Variants in PAAF1 observed in about 807,000 individuals in gnomAD.
PAAF1 encodes proteasomal ATPase-associated factor 1.
In PAAF1, 46 loss-of-function variants were observed where a neutral mutation model predicts 52.8. That is an observed-to-expected ratio of 0.87 (90% CI 0.69 to 1.11). The LOEUF is 1.11. Ranked by LOEUF, PAAF1 falls within the 50% of genes most tolerant of loss-of-function variation. PAAF1 has a pLI of 0.00. For synonymous variants in PAAF1, 178 were observed against 172.8 expected (o/e 1.03, Z -0.24); for missense variants, 424 against 477.4 (o/e 0.89, Z 1.04).
At chr11:73,907,561 G>A (rs1383246517) in intron 6 of PAAF1, among the ~76,000 whole-genome samples, 1 of 152,110 alleles carries the variant, frequency 6.6e-6, no homozygotes, top group African/African-American at 2.4e-5. Flanking sequence ...GGCACCTCAG[G>A]GCACCTCTTT....
intron 11 of PAAF1, among the ~76,000 whole-genome samples, chr11:73,925,377 G>C (rs1205085748): frequency 6.7e-6 from 1 of 150,346 alleles, no homozygotes; most frequent in Non-Finnish European, 1.5e-5. Flanking sequence ...AAGATGGGAC[G>C]ATTGCTTGGG....
chr11:73,881,489 TGTTG>T (rs1948905502), intron 2 of PAAF1, among the ~76,000 whole-genome samples: 1 of 152,164 alleles, frequency 6.6e-6, no homozygotes, highest in Non-Finnish European at 1.5e-5. Flanking sequence ...GGTTTCACCA[TGTTG>T]GCCAGGCTGG....
chr11:73,916,667 C>T lies in PAAF1; in HGVS notation c.935+7C>T, dbSNP rs1244104175. On this transcript the variant is annotated splice_region_variant and intron_variant, in intron 9 of 11. Transcript: ENST00000310571. Reference sequence around the variant, plus strand: ...TGGATGTGAGGAGTCCAAGGTGAGTCACCATTCATTTACATGATGCAGGTC... The same window carrying T: ...TGGATGTGAGGAGTCCAAGGTGAGTTACCATTCATTTACATGATGCAGGTC... 1.2e-6 allele frequency: 2 copies of T among 1,600,830 alleles called. No homozygotes were observed. Among genetic ancestry groups the T allele is most frequent in the East Asian group, 2.2e-5 (1 of 44,788 alleles).
intron 10 of PAAF1, among the ~76,000 whole-genome samples, chr11:73,923,370 C>T (rs574794467): frequency 1.3e-5 from 2 of 151,892 alleles, no homozygotes; most frequent in Admixed American, 6.6e-5. Flanking sequence ...TAAAGACATT[C>T]GTTTATGCAC....
intron 3 of PAAF1, among the ~76,000 whole-genome samples, chr11:73,888,341 T>C (rs1193315686): frequency 6.6e-6 from 1 of 152,220 alleles, no homozygotes; most frequent in East Asian, 1.9e-4. Context: ...CACTGAACAA[T>C]GTAGCCTTAT....
At chr11:73,895,348 G>A (rs1446108264) in intron 4 of PAAF1, among the ~76,000 whole-genome samples, 1 of 152,206 alleles carries the variant, frequency 6.6e-6, no homozygotes, top group African/African-American at 2.4e-5. Context: ...GAGGTTTCCA[G>A]TCTAGCCTAG....
chr11:73,909,569 C>T lies in PAAF1; in HGVS notation c.703C>T (p.Leu235Phe), dbSNP rs759348601. Residue 235 changes from leucine to phenylalanine, a missense_variant, in exon 7 of 12, where the codon CTT (leucine) becomes TTT (phenylalanine). Leu to Phe is a conservative substitution (Grantham distance 22). Coordinates refer to ENST00000310571, the MANE Select transcript of PAAF1 (RefSeq NM_025155.3). ...GGGTGCTGCTGACAACTCCATAAAC[C>T]TTGGCTCCCCTGAGCAGATGCCCAG... ...AVGAADNSIN[L>F]GSPEQMPSER... 6.2e-7 allele frequency: 1 copy of T among 1,614,122 alleles called. No individual in the cohort carries two copies. The highest frequency in any genetic ancestry group is 8.5e-7 in the Non-Finnish European group (1 of 1,180,004).
intron 3 of PAAF1, among the ~76,000 whole-genome samples, chr11:73,887,833 T>C (rs1018222526): frequency 6.6e-6 from 1 of 152,198 alleles, no homozygotes; most frequent in African/African-American, 2.4e-5. Context: ...CACTGCAACT[T>C]CTGTCTCCTG....
rs1385261422 is a variant in PAAF1 at position 73,909,384 on chromosome 11, T to C, written c.533-15T>C. ...ACTCCATCCTCCATCTTAGGGAGTT[T>C]TTTTCTCTTGCTAGGTATCCTGGAT... On this transcript the variant is annotated splice_polypyrimidine_tract_variant and intron_variant, in intron 6 of 11. Coordinates refer to ENST00000310571, the MANE Select transcript of PAAF1 (RefSeq NM_025155.3). The C allele has an allele frequency of 2.5e-6, 4 of 1,612,904 alleles. No individual in the cohort carries two copies. In the African/African-American group the frequency reaches 5.3e-5, roughly 22 times the overall value.
chr11:73,923,918 A>T (rs1265818347), intron 10 of PAAF1, among the ~76,000 whole-genome samples: 2 of 152,064 alleles, frequency 1.3e-5, no homozygotes, highest in African/African-American at 4.8e-5. Context: ...TTAATAGGGA[A>T]TATCTACACA....
intron 9 of PAAF1, among the ~76,000 whole-genome samples, chr11:73,918,142 T>C (rs1950115618): frequency 6.6e-6 from 1 of 152,084 alleles, no homozygotes; most frequent in African/African-American, 2.4e-5. Context: ...TAGAATCCCA[T>C]ATATGAAGGC....
At chr11:73,888,300 C>G (rs1949114668) in intron 3 of PAAF1, among the ~76,000 whole-genome samples, 1 of 152,130 alleles carries the variant, frequency 6.6e-6, no homozygotes, top group Admixed American at 6.5e-5. Context: ...CCAAGTAGTT[C>G]TCAGTTGCCT....
rs534712680 is a variant in PAAF1 at position 73,929,394 on chromosome 11, T to C, written c.*2032T>C. 5.9e-5 allele frequency: 9 copies of C among 152,312 alleles called. No individual in the cohort carries two copies. Among genetic ancestry groups the C allele is most frequent in the African/African-American group, 1.9e-4 (8 of 41,564 alleles). 9.4% of individuals were successfully genotyped at this position (152,312 alleles called of 1,614,324 possible). On this transcript the variant is annotated 3_prime_UTR_variant, in exon 12 of 12. Coordinates refer to ENST00000310571, the MANE Select transcript of PAAF1 (RefSeq NM_025155.3). The stretch of plus-strand genomic sequence containing the variant: ...AATCCCATTTTTTTCTACAACACCC[T>C]GTTACTTAAACCAAAGTGTAAAAAG...
intron 6 of PAAF1, among the ~76,000 whole-genome samples, chr11:73,905,430 G>T (rs889066032): frequency 2.6e-5 from 4 of 152,010 alleles, no homozygotes; most frequent in African/African-American, 9.7e-5. Flanking sequence ...CACCATATTG[G>T]CAAGGCTGGT....
rs779115471 is a variant in PAAF1, at chr11:73,900,337, T to A, written c.449T>A (p.Leu150Gln). Residue 150 changes from leucine to glutamine, a missense_variant, in exon 6 of 12, where the codon CTG (leucine) becomes CAG (glutamine). Physicochemically the swap from Leu to Gln is moderately radical, Grantham distance 113. Transcript: ENST00000310571. ...TTTTTCCCATCAGGCCTTGTGGTCC[T>A]GAGTGGGGGAATGGATGCCCAGCTG... Reference protein sequence around the residue: ...CRFFPSGLVVLSGGMDAQLKI... With the variant: ...CRFFPSGLVVQSGGMDAQLKI... The A allele has an allele frequency of 1.2e-6, 2 of 1,613,098 alleles. No homozygotes were observed. Among genetic ancestry groups the A allele is most frequent in the African/African-American group, 2.7e-5 (2 of 74,916 alleles).
chr11:73,908,359 GTGTA>G (rs1244642930), intron 6 of PAAF1, among the ~76,000 whole-genome samples: 3 of 137,454 alleles, frequency 2.2e-5, no homozygotes, highest in Non-Finnish European at 3.1e-5. Flanking sequence ...GTATATATGT[GTGTA>G]TATATATATG....
In PAAF1 at chr11:73,899,127, T is replaced by G; in HGVS notation, c.283-19T>G. On this transcript the variant is annotated intron_variant, in intron 4 of 11. Transcript: ENST00000310571. ...TATTTCATTATTTCTAACACATTGT[T>G]TGTTTTCTCTTTGAACAGATAACAT... 6.3e-7 allele frequency: 1 copy of G among 1,578,152 alleles called. No individual in the cohort carries two copies. Among genetic ancestry groups the G allele is most frequent in the Non-Finnish European group, 8.7e-7 (1 of 1,147,998 alleles).
chr11:73,927,214 T>A, intron 11 of PAAF1, 71 bp from the exon 12 acceptor site: 1 of 1,156,588 alleles, frequency 8.6e-7, no homozygotes, highest in Non-Finnish European at 1.3e-6. Context: ...TGTGTGTCAA[T>A]CATAAGCCTC....
intron 6 of PAAF1, among the ~76,000 whole-genome samples, chr11:73,907,287 G>A (rs1390322579): frequency 6.6e-6 from 1 of 152,048 alleles, no homozygotes; most frequent in Non-Finnish European, 1.5e-5. Flanking sequence ...CCCTGTTGAG[G>A]TATGGTATGA....
Sources: gnomAD v4.1 joint callset for allele counts (sites outside exome capture counted in the v4.1 genomes callset) on GRCh38, gnomAD v4.1.1 for gene constraint, MANE v1.5 for transcripts, NCBI Gene and HGNC (gene_info 2026-07-23, HGNC 2026-07-21) for gene names.